Variants in OR5AP2 observed in about 807,000 individuals in gnomAD.
OR5AP2 encodes the protein olfactory receptor family 5 subfamily AP member 2.
For synonymous variants in OR5AP2, 142 were observed against 140.8 expected (o/e 1.01, Z -0.06); for missense variants, 409 against 378.9 (o/e 1.08, Z -0.66).
At position 56,641,727 on chromosome 11, in the gene OR5AP2, T is replaced by C; in HGVS notation, c.713A>G (p.Glu238Gly). ...FIAVLKMPSL[E>G]GRHKAFSTCA... ...GGTGGAGAAGGCTTTGTGCCTGCCC[T>C]CTAACGAAGGCATCTTCAAGACGGC... The change falls in exon 1 of 1, where the codon GAG becomes GGG. Residue 238 changes from glutamate to glycine, a missense_variant. By Grantham distance (98) the Glu-to-Gly change is moderately conservative. Transcript: ENST00000544374. The C allele has an allele frequency of 1.9e-6, 3 of 1,614,096 alleles. No homozygotes were observed. Among genetic ancestry groups the C allele is most frequent in the Non-Finnish European group, 2.5e-6 (3 of 1,180,004 alleles).
Position 56,641,587 on chromosome 11 carries a change from T to C in OR5AP2, c.853A>G (p.Thr285Ala). The change falls in exon 1 of 1, where the codon ACA becomes GCA. Residue 285 changes from threonine (T) to alanine (A), a missense_variant. Physicochemically the swap from Thr to Ala is moderately conservative, Grantham distance 58 (BLOSUM62 0). Transcript: ENST00000544374. Reference sequence around the variant, plus strand: ...GGATTTAGCACAGGGATTATTACTGTATAAAAGACAGAGACAACCTTGTCT... The same window carrying C: ...GGATTTAGCACAGGGATTATTACTGCATAAAAGACAGAGACAACCTTGTCT... Reference protein sequence around the residue: ...EQDKVVSVFYTVIIPVLNPLI... With the variant: ...EQDKVVSVFYAVIIPVLNPLI... 6.2e-7 allele frequency: 1 copy of C among 1,613,464 alleles called. No homozygotes were observed. The highest frequency in any genetic ancestry group is 2.2e-5 in the East Asian group (1 of 44,878).
Position 56,641,644 on chromosome 11 carries a change from A to C in OR5AP2, c.796T>G (p.Leu266Val). ...ATTGAGTAGCTAGATGTAGGGCGCA[A>C]GTACATGAAGAGGATTGTTCCAAAG... ...IFFGTILFMY[L>V]RPTSSYSMEQ... The change falls in exon 1 of 1, where the codon TTG (leucine) becomes GTG (valine). Residue 266 changes from leucine to valine, a missense_variant. By Grantham distance (32) the Leu-to-Val change is conservative. Transcript: ENST00000544374. 1 of 1,614,146 alleles carries C rather than the reference A, an allele frequency of 6.2e-7. No individual in the cohort carries two copies. Among genetic ancestry groups the C allele is most frequent in the African/African-American group, 1.3e-5 (1 of 75,056 alleles).
In OR5AP2 at chr11:56,642,187, G is replaced by T; in HGVS notation, c.253C>A (p.Pro85Thr). ...GCCATGAGGTTCACCAGCATCTTGG[G>T]AGTGACGGAAGAAGAGTAAGAGGCA... is the stretch of plus-strand genomic sequence containing the variant. Reference protein sequence around the residue: ...VDASYSSSVTPKMLVNLMAEN... With the variant: ...VDASYSSSVTTKMLVNLMAEN... The change falls in exon 1 of 1, where the codon CCC (proline) becomes ACC (threonine). Residue 85 changes from proline (P) to threonine (T), a missense_variant. Transcript: ENST00000544374. 1.2e-6 allele frequency: 2 copies of T among 1,614,182 alleles called. No homozygotes were observed. Among genetic ancestry groups the T allele is most frequent in the South Asian group, 2.2e-5 (2 of 91,088 alleles).
At position 56,641,527 on chromosome 11, in the gene OR5AP2, T is replaced by C. The variant is rs1857004081; in HGVS notation, c.913A>G (p.Lys305Glu). ...TTCCATAAGATCTTCTTTAGGGCCT[T>C]TTTTACATCCTTATTTTTTAAACTA... ...IYSLKNKDVK[K>E]ALKKILWKHI... Residue 305 changes from lysine (K) to glutamate (E), a missense_variant, in exon 1 of 1, where the codon AAG (lysine) becomes GAG (glutamate). Physicochemically the swap from Lys to Glu is moderately conservative, Grantham distance 56. Coordinates refer to ENST00000544374, the MANE Select transcript of OR5AP2 (RefSeq NM_001002925.1). 1 of 1,610,014 alleles carries C rather than the reference T, an allele frequency of 6.2e-7. No individual in the cohort carries two copies. The highest frequency in any genetic ancestry group is 8.5e-7 in the Non-Finnish European group (1 of 1,176,878).
Position 56,641,752 on chromosome 11 carries a change from C to CAATGAAGATACACAGGTAGGA in OR5AP2, c.667_687dup (p.Ser223_Ile229dup). 1 of 1,613,906 alleles carries CAATGAAGATACACAGGTAGGA rather than the reference C, an allele frequency of 6.2e-7. No individual in the cohort carries two copies. Among genetic ancestry groups the CAATGAAGATACACAGGTAGGA allele is most frequent in the Non-Finnish European group, 8.5e-7 (1 of 1,179,938 alleles). On this transcript the variant is annotated inframe_insertion, in exon 1 of 1. Coordinates refer to ENST00000544374, the MANE Select transcript of OR5AP2 (RefSeq NM_001002925.1). ...TCTAACGAAGGCATCTTCAAGACGG[C>CAATGAAGATACACAGGTAGGA]AATGAAGATACACAGGTAGGAAATG...
At position 56,642,141 on chromosome 11, in the gene OR5AP2, A is replaced by G. The variant is rs760208911; in HGVS notation, c.299T>C (p.Phe100Ser). 1 of 1,614,182 alleles carries G rather than the reference A, an allele frequency of 6.2e-7. No homozygotes were observed. Among genetic ancestry groups the G allele is most frequent in the South Asian group, 1.1e-5 (1 of 91,086 alleles). Reference sequence around the variant, plus strand: ...GTAGAACTGGGCAGCACATCCATGAAAAGAAATGGCCTTATTCTCAGCCAT... The same window carrying G: ...GTAGAACTGGGCAGCACATCCATGAGAAGAAATGGCCTTATTCTCAGCCAT... Reference protein sequence around the residue: ...NLMAENKAISFHGCAAQFYFF... With the variant: ...NLMAENKAISSHGCAAQFYFF... Residue 100 changes from phenylalanine to serine, a missense_variant, in exon 1 of 1, where the codon TTT (phenylalanine) becomes TCT (serine). Phe to Ser is a radical substitution (Grantham distance 155). Coordinates refer to ENST00000544374, the MANE Select transcript of OR5AP2 (RefSeq NM_001002925.1).
chr11:56,641,534 A>G lies in OR5AP2; in HGVS notation c.906T>C (p.Asp302=). 6.2e-7 allele frequency: 1 copy of G among 1,610,348 alleles called. No homozygotes were observed. The highest frequency in any genetic ancestry group is 8.5e-7 in the Non-Finnish European group (1 of 1,177,236). The change falls in exon 1 of 1, where the codon GAT becomes GAC. Residue 302 remains aspartate (D), a synonymous_variant. Coordinates refer to ENST00000544374, the MANE Select transcript of OR5AP2 (RefSeq NM_001002925.1). The part of the protein sequence containing the change: ...NPLIYSLKNK[D]VKKALKKILW... ...AGATCTTCTTTAGGGCCTTTTTTACATCCTTATTTTTTAAACTATAGATGA... is the reference window on the plus strand; with the variant it reads ...AGATCTTCTTTAGGGCCTTTTTTACGTCCTTATTTTTTAAACTATAGATGA...
chr11:56,641,983 T>G lies in OR5AP2; in HGVS notation c.457A>C (p.Thr153Pro), dbSNP rs1857009804. The G allele has an allele frequency of 6.2e-7, 1 of 1,613,808 alleles. No individual in the cohort carries two copies. The highest frequency in any genetic ancestry group is 8.5e-7 in the Non-Finnish European group (1 of 1,179,980). The change falls in exon 1 of 1, where the codon ACC becomes CCC. Residue 153 changes from threonine (T) to proline (P), a missense_variant. Thr to Pro is a conservative substitution (Grantham distance 38, BLOSUM62 -1). Transcript: ENST00000544374. ...SGRICFLLIA[T>P]SFLAGCGNAA... is the part of the protein sequence containing the mutation. ...TTTCCACAACCTGCTAAGAAGGAGG[T>G]AGCTATTAGCAAAAAGCAAATTCTC...
Position 56,641,561 on chromosome 11 carries a change from G to A in OR5AP2, c.879C>T (p.Pro293=), listed in dbSNP as rs771572404. The A allele has an allele frequency of 1.2e-6, 2 of 1,613,352 alleles. No individual in the cohort carries two copies. The highest frequency in any genetic ancestry group is 1.1e-5 in the South Asian group (1 of 91,030). The change falls in exon 1 of 1, where the codon CCC becomes CCT. Residue 293 remains proline, a synonymous_variant. Coordinates refer to ENST00000544374, the MANE Select transcript of OR5AP2 (RefSeq NM_001002925.1). Reference sequence around the variant, plus strand: ...CCTTATTTTTTAAACTATAGATGAGGGGATTTAGCACAGGGATTATTACTG... The same window carrying A: ...CCTTATTTTTTAAACTATAGATGAGAGGATTTAGCACAGGGATTATTACTG... ...FYTVIIPVLN[P]LIYSLKNKDV...
In OR5AP2 at chr11:56,641,537, C is replaced by G. The variant is rs756831894; in HGVS notation, c.903G>C (p.Lys301Asn). ...LNPLIYSLKN[K>N]DVKKALKKIL... ...TCTTCTTTAGGGCCTTTTTTACATC[C>G]TTATTTTTTAAACTATAGATGAGGG... is the stretch of plus-strand genomic sequence containing the variant. The change falls in exon 1 of 1, where the codon AAG becomes AAC. Residue 301 changes from lysine (K) to asparagine (N), a missense_variant. Coordinates refer to ENST00000544374, the MANE Select transcript of OR5AP2 (RefSeq NM_001002925.1). 6 of 1,611,050 alleles carry G rather than the reference C, an allele frequency of 3.7e-6. No individual in the cohort carries two copies.
Position 56,641,690 on chromosome 11 carries a change from G to A in OR5AP2, c.750C>T (p.Tyr250=). The change falls in exon 1 of 1, where the codon TAC becomes TAT. Residue 250 remains tyrosine (Y), a synonymous_variant. Coordinates refer to ENST00000544374, the MANE Select transcript of OR5AP2 (RefSeq NM_001002925.1). ...CAAAGAATATGGTGACAGCCATGAGGTAAGAGGCACAGGTGGAGAAGGCTT... is the reference window on the plus strand; with the variant it reads ...CAAAGAATATGGTGACAGCCATGAGATAAGAGGCACAGGTGGAGAAGGCTT... The part of the protein sequence containing the change: ...RHKAFSTCAS[Y]LMAVTIFFGT... 4 of 1,614,134 alleles carry A rather than the reference G, an allele frequency of 2.5e-6. No homozygotes were observed. Among genetic ancestry groups the A allele is most frequent in the Non-Finnish European group, 3.4e-6 (4 of 1,180,038 alleles).
chr11:56,642,008 C>A lies in OR5AP2; in HGVS notation c.432G>T (p.Gly144=), dbSNP rs144441226. The A allele has an allele frequency of 6.2e-7, 1 of 1,614,134 alleles. No homozygotes were observed. The highest frequency in any genetic ancestry group is 1.3e-5 in the African/African-American group (1 of 75,028). ...NPLLYPVLVS[G]RICFLLIATS... is the part of the protein sequence containing the mutation. ...TAGCTATTAGCAAAAAGCAAATTCT[C>A]CCAGACACGAGAACTGGGTAGAGCA... Residue 144 remains glycine (G), a synonymous_variant, in exon 1 of 1, where the codon GGG becomes GGT. Coordinates refer to ENST00000544374, the MANE Select transcript of OR5AP2 (RefSeq NM_001002925.1).
In OR5AP2 at chr11:56,641,700, C is replaced by G. The variant is rs1857006052; in HGVS notation, c.740G>C (p.Cys247Ser). The G allele has an allele frequency of 6.2e-7, 1 of 1,613,938 alleles. No individual in the cohort carries two copies. The change falls in exon 1 of 1, where the codon TGT becomes TCT. Residue 247 changes from cysteine to serine, a missense_variant. Transcript: ENST00000544374. ...GGTGACAGCCATGAGGTAAGAGGCACAGGTGGAGAAGGCTTTGTGCCTGCC... is the reference window on the plus strand; with the variant it reads ...GGTGACAGCCATGAGGTAAGAGGCAGAGGTGGAGAAGGCTTTGTGCCTGCC... ...LEGRHKAFST[C>S]ASYLMAVTIF...
chr11:56,641,997 A>G lies in OR5AP2; in HGVS notation c.443T>C (p.Phe148Ser), dbSNP rs769954492. Reference protein sequence around the residue: ...YPVLVSGRICFLLIATSFLAG... With the variant: ...YPVLVSGRICSLLIATSFLAG... ...TAAGAAGGAGGTAGCTATTAGCAAAAAGCAAATTCTCCCAGACACGAGAAC... is the reference window on the plus strand; with the variant it reads ...TAAGAAGGAGGTAGCTATTAGCAAAGAGCAAATTCTCCCAGACACGAGAAC... The change falls in exon 1 of 1, where the codon TTT (phenylalanine) becomes TCT (serine). Residue 148 changes from phenylalanine (F) to serine (S), a missense_variant. Phe to Ser is a radical substitution (Grantham distance 155, BLOSUM62 -2). Coordinates refer to ENST00000544374, the MANE Select transcript of OR5AP2 (RefSeq NM_001002925.1). 4 of 1,614,184 alleles carry G rather than the reference A, an allele frequency of 2.5e-6. No homozygotes were observed. The Admixed American group carries it at 6.7e-5, about 27-fold the overall frequency.
chr11:56,641,594 G>T lies in OR5AP2; in HGVS notation c.846C>A (p.Val282=). The change falls in exon 1 of 1, where the codon GTC becomes GTA. Residue 282 remains valine, a synonymous_variant. Coordinates refer to ENST00000544374, the MANE Select transcript of OR5AP2 (RefSeq NM_001002925.1). ...YSMEQDKVVS[V]FYTVIIPVLN... is the part of the protein sequence containing the mutation. ...GCACAGGGATTATTACTGTATAAAA[G>T]ACAGAGACAACCTTGTCTTGCTCCA... is the stretch of plus-strand genomic sequence containing the variant. 1 of 1,613,374 alleles carries T rather than the reference G, an allele frequency of 6.2e-7. No individual in the cohort carries two copies. The highest frequency in any genetic ancestry group is 8.5e-7 in the Non-Finnish European group (1 of 1,179,438).
rs199703792 is a variant in OR5AP2, at chr11:56,641,698, C to G, written c.742G>C (p.Ala248Pro). Residue 248 changes from alanine (A) to proline (P), a missense_variant, in exon 1 of 1, where the codon GCC becomes CCC. Coordinates refer to ENST00000544374, the MANE Select transcript of OR5AP2 (RefSeq NM_001002925.1). ...ATGGTGACAGCCATGAGGTAAGAGG[C>G]ACAGGTGGAGAAGGCTTTGTGCCTG... ...EGRHKAFSTC[A>P]SYLMAVTIFF... The G allele has an allele frequency of 5.0e-6, 8 of 1,614,018 alleles. No individual in the cohort carries two copies. The East Asian group carries it at 1.8e-4, about 36-fold the overall frequency.
Position 56,641,952 on chromosome 11 carries a change from G to A in OR5AP2, c.488C>T (p.Ala163Val). ...CCTAAAAGTCATCCCTGTATGTATG[G>A]CTGCATTTCCACAACCTGCTAAGAA... Reference protein sequence around the residue: ...TSFLAGCGNAAIHTGMTFRLS... With the variant: ...TSFLAGCGNAVIHTGMTFRLS... The change falls in exon 1 of 1, where the codon GCC becomes GTC. Residue 163 changes from alanine to valine, a missense_variant. Physicochemically the swap from Ala to Val is moderately conservative, Grantham distance 64 (BLOSUM62 0). Transcript: ENST00000544374. 1 of 1,614,158 alleles carries A rather than the reference G, an allele frequency of 6.2e-7. No homozygotes were observed. The highest frequency in any genetic ancestry group is 8.5e-7 in the Non-Finnish European group (1 of 1,180,012).
Position 56,642,115 on chromosome 11 carries a change from A to G in OR5AP2, c.325T>C (p.Phe109Leu). 1 of 1,614,158 alleles carries G rather than the reference A, an allele frequency of 6.2e-7. No individual in the cohort carries two copies. Among genetic ancestry groups the G allele is most frequent in the Non-Finnish European group, 8.5e-7 (1 of 1,180,034 alleles). Residue 109 changes from phenylalanine (F) to leucine (L), a missense_variant, in exon 1 of 1, where the codon TTC (phenylalanine) becomes CTC (leucine). Transcript: ENST00000544374. The part of the protein sequence containing the change: ...SFHGCAAQFY[F>L]FGSFLGTECF... Reference sequence around the variant, plus strand: ...TCAGTCCCCAGGAAGGAGCCAAAGAAGTAGAACTGGGCAGCACATCCATGA... The same window carrying G: ...TCAGTCCCCAGGAAGGAGCCAAAGAGGTAGAACTGGGCAGCACATCCATGA...
At position 56,641,998 on chromosome 11, in the gene OR5AP2, A is replaced by T. The variant is rs572843317; in HGVS notation, c.442T>A (p.Phe148Ile). The T allele has an allele frequency of 6.2e-7, 1 of 1,614,208 alleles. No individual in the cohort carries two copies. The highest frequency in any genetic ancestry group is 2.2e-5 in the East Asian group (1 of 44,880). Residue 148 changes from phenylalanine (F) to isoleucine (I), a missense_variant, in exon 1 of 1, where the codon TTT (phenylalanine) becomes ATT (isoleucine). Coordinates refer to ENST00000544374, the MANE Select transcript of OR5AP2 (RefSeq NM_001002925.1). ...AAGAAGGAGGTAGCTATTAGCAAAA[A>T]GCAAATTCTCCCAGACACGAGAACT... ...YPVLVSGRICFLLIATSFLAG... is the reference protein window; with the variant it reads ...YPVLVSGRICILLIATSFLAG...
Sources: allele counts gnomAD v4.1 joint callset, GRCh38; gene constraint gnomAD v4.1.1; transcripts MANE v1.5; gene names NCBI Gene and HGNC (gene_info 2026-07-23, HGNC 2026-07-21).